The following MAGI2 variants were observed in gnomAD, a reference collection of about 807,000 sequenced individuals.
MAGI2 encodes the protein membrane associated guanylate kinase, WW and PDZ domain containing 2, also known as membrane-associated guanylate kinase, WW and PDZ domain-containing protein 2.
A neutral mutation model predicts 133.3 loss-of-function variants in MAGI2; 35 were observed. That is an observed-to-expected ratio of 0.26 (90% confidence interval 0.20 to 0.35). The LOEUF is 0.35. MAGI2 is among the 10% of genes least tolerant of loss of function. The pLI, the probability that MAGI2 is intolerant of heterozygous loss-of-function variation, is 1.00. For synonymous variants in MAGI2, 729 were observed against 710.6 expected (o/e 1.03, Z -0.41); for missense variants, 1,636 against 1,863.4 (o/e 0.88, Z 2.25).
rs904562469 is a variant in MAGI2 at position 78,234,968 on chromosome 7, A to AT, written c.2047+20974dup. ...ATAGTGGCAGAGAGTGAGGAATGTG[A>AT]TTTTTTTTTAATTTAAGTTTTAAAA... On this transcript the variant is annotated intron_variant, in intron 10 of 21. Coordinates refer to ENST00000354212, the MANE Select transcript of MAGI2 (RefSeq NM_012301.4). 4.9e-4 allele frequency among the ~76,000 whole-genome samples: 74 copies of AT among 151,956 alleles called. 1 individual carries two copies. In the South Asian group the frequency reaches 8.3e-3, roughly 17 times the overall value.
intron 2 of MAGI2, among the ~76,000 whole-genome samples, chr7:78,689,152 T>C (rs1353276098): frequency 6.6e-6 from 1 of 152,176 alleles, no homozygotes; most frequent in Non-Finnish European, 1.5e-5. Context: ...GAAGTTGAAA[T>C]ATGACATTGA....
chr7:79,369,527 T>A (rs762644396), intron 1 of MAGI2, among the ~76,000 whole-genome samples: 4 of 152,198 alleles, frequency 2.6e-5, no homozygotes, highest in Non-Finnish European at 4.4e-5. Flanking sequence ...GAAGCTCCCA[T>A]GATGCTACCA....
chr7:78,832,335 T>C (rs1033685775), intron 2 of MAGI2, among the ~76,000 whole-genome samples: 10 of 152,152 alleles, frequency 6.6e-5, no homozygotes, highest in African/African-American at 1.9e-4. Context: ...ATGACATGTC[T>C]ACCATGCAGT....
chr7:78,982,086 C>T (rs188278922), intron 2 of MAGI2, among the ~76,000 whole-genome samples: 14 of 151,868 alleles, frequency 9.2e-5, no homozygotes, highest in Non-Finnish European at 1.8e-4. Context: ...CTTCTGGCGA[C>T]GGGGCTTTAA....
chr7:78,207,295 T>C (rs1305416943), intron 10 of MAGI2, among the ~76,000 whole-genome samples: 1 of 152,106 alleles, frequency 6.6e-6, no homozygotes, highest in Non-Finnish European at 1.5e-5. Flanking sequence ...TTTCTGAAAA[T>C]ATTTCAGGGA....
intron 1 of MAGI2, among the ~76,000 whole-genome samples, chr7:79,119,376 A>G (rs965418737): frequency 2.6e-5 from 4 of 152,126 alleles, no homozygotes; most frequent in African/African-American, 9.7e-5. Context: ...TAACAAATAC[A>G]TGGTTGTGTG....
chr7:79,313,050 G>A (rs62458964), intron 1 of MAGI2, among the ~76,000 whole-genome samples: 84,953 of 152,022 alleles, frequency 0.56, 26,388 homozygotes, highest in Non-Finnish European at 0.69. Flanking sequence ...AAACATGTAA[G>A]AGAAAATTCA....
intron 2 of MAGI2, among the ~76,000 whole-genome samples, chr7:78,719,868 G>A (rs751946502): frequency 2.0e-5 from 3 of 152,238 alleles, no homozygotes; most frequent in Non-Finnish European, 4.4e-5. Context: ...TAAGTAAAAA[G>A]TTTAAATAGA....
intron 20 of MAGI2, among the ~76,000 whole-genome samples, chr7:78,080,910 A>G (rs1451237047): frequency 1.3e-5 from 2 of 152,124 alleles, no homozygotes; most frequent in Non-Finnish European, 2.9e-5. Flanking sequence ...ATCGCTCACA[A>G]GCTCAATTCA....
chr7:79,390,986 A>G (rs1049033889), intron 1 of MAGI2, among the ~76,000 whole-genome samples: 6 of 152,178 alleles, frequency 3.9e-5, no homozygotes, highest in Non-Finnish European at 7.3e-5. Flanking sequence ...AATCTGTCAA[A>G]TATCTTACTC....
At chr7:78,453,756 A>T (rs1788987504) in intron 6 of MAGI2, among the ~76,000 whole-genome samples, 1 of 152,212 alleles carries the variant, frequency 6.6e-6, no homozygotes, top group Non-Finnish European at 1.5e-5. Flanking sequence ...TAGTAAAATT[A>T]TCGCCATTTT....
chr7:78,402,610 G>A (rs760469018), intron 6 of MAGI2, among the ~76,000 whole-genome samples: 2 of 152,208 alleles, frequency 1.3e-5, no homozygotes, highest in Non-Finnish European at 2.9e-5. Flanking sequence ...TTGCATTTCA[G>A]TAGTGGTTGG....
intron 1 of MAGI2, among the ~76,000 whole-genome samples, chr7:79,267,087 T>C (rs1281951102): frequency 6.6e-6 from 1 of 152,062 alleles, no homozygotes; most frequent in Non-Finnish European, 1.5e-5. Flanking sequence ...AACACCTCCA[T>C]GTATCGATTT....
chr7:78,826,189 A>G (rs1790616778), intron 2 of MAGI2, among the ~76,000 whole-genome samples: 1 of 151,768 alleles, frequency 6.6e-6, no homozygotes, highest in African/African-American at 2.4e-5. Flanking sequence ...TGTCTCCACT[A>G]AAAATACAAA....
At chr7:78,409,691 T>C (rs926567403) in intron 6 of MAGI2, among the ~76,000 whole-genome samples, 2 of 152,066 alleles carry the variant, frequency 1.3e-5, no homozygotes, top group African/African-American at 4.8e-5. Flanking sequence ...AATGACAAGA[T>C]GAATGACAGA....
intron 9 of MAGI2, among the ~76,000 whole-genome samples, chr7:78,260,636 T>C (rs1793430298): frequency 6.6e-6 from 1 of 152,184 alleles, no homozygotes; most frequent in Non-Finnish European, 1.5e-5. Context: ...CTGGAAAATT[T>C]ACTTTGTTTG....
At chr7:78,172,220 G>T (rs1343347487) in intron 14 of MAGI2, among the ~76,000 whole-genome samples, 1 of 152,116 alleles carries the variant, frequency 6.6e-6, no homozygotes, top group Non-Finnish European at 1.5e-5. Flanking sequence ...ACCTTTCCAG[G>T]CCTTTTGATC....
chr7:78,726,566 G>T (rs1442174453), intron 2 of MAGI2, among the ~76,000 whole-genome samples: 6 of 152,140 alleles, frequency 3.9e-5, no homozygotes, highest in African/African-American at 1.2e-4. Context: ...AAAGATAGAA[G>T]GGCAAGGTGG....
chr7:78,065,439 C>G (rs766334176), intron 21 of MAGI2: 31 of 567,920 alleles, frequency 5.5e-5, no homozygotes, highest in Middle Eastern at 3.9e-4. Flanking sequence ...AAGGTCTGAG[C>G]TATACATATA....
Sources: gnomAD v4.1 joint callset for allele counts (sites outside exome capture counted in the v4.1 genomes callset) on GRCh38, gnomAD v4.1.1 for gene constraint, MANE v1.5 for transcripts, NCBI Gene and HGNC (gene_info 2026-07-23, HGNC 2026-07-21) for gene names.